B3GALT5: variants seen among roughly 807,000 people sequenced by gnomAD.
B3GALT5 encodes UDP-Gal:betaGlcNAc beta 1,3-galactosyltransferase, polypeptide 5.
For synonymous variants in B3GALT5, 156 were observed against 158.6 expected (o/e 0.98, Z 0.12); for missense variants, 328 against 396.6 (o/e 0.83, Z 1.47).
intron 2 of B3GALT5, among the ~76,000 whole-genome samples, chr21:39,653,413 A>G (rs9978637): frequency 0.11 from 17,448 of 152,170 alleles, 1,215 homozygotes; most frequent in Admixed American, 0.16. Flanking sequence ...GGGCCCTCTA[A>G]ATATTTTCCC....
chr21:39,623,177 C>A (rs1602255972), intron 1 of B3GALT5, among the ~76,000 whole-genome samples: 1 of 117,984 alleles, frequency 8.5e-6, no homozygotes, highest in South Asian at 3.2e-4. Flanking sequence ...CTCTCTCTCT[C>A]TTTTCCATCC....
rs2079528190 is a variant in B3GALT5 at position 39,661,761 on chromosome 21, G to T, written c.*269G>T. 2 of 334,086 alleles carry T rather than the reference G, an allele frequency of 6.0e-6. No individual in the cohort carries two copies. The highest frequency in any genetic ancestry group is 1.1e-5 in the Non-Finnish European group (2 of 174,584). 20.7% of individuals were successfully genotyped at this position (334,086 alleles called of 1,614,324 possible). ...TTCAGGGGTCAGTATCCTATGACAT[G>T]ATGGGTGTTACCATCCTAATTTTAC... On this transcript the variant is annotated 3_prime_UTR_variant, in exon 4 of 4. Transcript: ENST00000684187. This position sits in a 1 kb window ranked among gnomAD's most constrained non-coding sequence, Gnocchi z 4.7.
intron 2 of B3GALT5, chr21:39,657,809 G>C: frequency 8.3e-7 from 1 of 1,199,594 alleles, no homozygotes. Flanking sequence ...TACACCTGGA[G>C]TGCAGAATCT....
In B3GALT5 at chr21:39,671,188, C is replaced by T. The variant is rs1240064696; in HGVS notation, c.*9696C>T. 6.6e-6 allele frequency: 1 copy of T among 152,246 alleles called. No individual in the cohort carries two copies. The highest frequency in any genetic ancestry group is 2.4e-5 in the African/African-American group (1 of 41,458). 9.4% of individuals were successfully genotyped at this position (152,246 alleles called of 1,614,324 possible). ...AGTCACCTCTTAAAAGGTCCCACCT[C>T]TCAACGCTGTTGCACTGGGGATTAA... On this transcript the variant is annotated 3_prime_UTR_variant, in exon 4 of 4. Coordinates refer to ENST00000684187, the MANE Select transcript of B3GALT5 (RefSeq NM_001356336.2).
Position 39,660,719 on chromosome 21 carries a change from C to T in B3GALT5, c.160C>T (p.Gln54Ter). The part of the protein sequence containing the change: ...FLKLPDTDCR[Q>*]TPPFLVLLVT... ...TAAGCTCCCAGATACAGACTGCAGG[C>T]AGACACCTCCCTTCCTCGTCCTGCT... is the stretch of plus-strand genomic sequence containing the variant. Residue 54 changes from glutamine (Q) to a stop codon, truncating the protein, a stop_gained, in exon 4 of 4, where the codon CAG becomes TAG. Transcript: ENST00000684187. LOFTEE classifies it low-confidence loss of function (END_TRUNC). The T allele has an allele frequency of 1.3e-6, 2 of 1,553,936 alleles. No homozygotes were observed. The highest frequency in any genetic ancestry group is 1.7e-6 in the Non-Finnish European group (2 of 1,152,738).
At position 39,669,006 on chromosome 21, in the gene B3GALT5, T is replaced by C. The variant is rs559040486; in HGVS notation, c.*7514T>C. The C allele has an allele frequency of 6.6e-6, 1 of 152,380 alleles. No individual in the cohort carries two copies. The highest frequency in any genetic ancestry group is 1.9e-4 in the East Asian group (1 of 5,182). The allele number at this position is 152,380 out of a possible 1,614,324, so 9.4% of individuals were successfully genotyped here. A position where few individuals can be genotyped will look rare whatever the true frequency, so the allele number is the denominator to read the frequency against. On this transcript the variant is annotated 3_prime_UTR_variant, in exon 4 of 4. Transcript: ENST00000684187. ...GATTCTATGGTGGTGTATACAGCACTATCTATCAGTGTACCTGTCAGTGTC... is the reference window on the plus strand; with the variant it reads ...GATTCTATGGTGGTGTATACAGCACCATCTATCAGTGTACCTGTCAGTGTC...
In B3GALT5 at chr21:39,664,521, A is replaced by G. The variant is rs1016893778; in HGVS notation, c.*3029A>G. The G allele has an allele frequency of 1.3e-5, 2 of 152,544 alleles. No homozygotes were observed. Among genetic ancestry groups the G allele is most frequent in the Non-Finnish European group, 2.9e-5 (2 of 68,260 alleles). 9.4% of individuals were successfully genotyped at this position (152,544 alleles called of 1,614,324 possible). On this transcript the variant is annotated 3_prime_UTR_variant, in exon 4 of 4. Transcript: ENST00000684187. ...GCTGCCATTTTCCACCTGACCAGAA[A>G]TGGCCACCACCTTCCCCGACCCCTT...
intron 1 of B3GALT5, among the ~76,000 whole-genome samples, chr21:39,636,229 G>T (rs2079226646): frequency 6.6e-6 from 1 of 152,198 alleles, no homozygotes; most frequent in African/African-American, 2.4e-5. Flanking sequence ...TGCAGTGCTT[G>T]ACACATAGAG....
chr21:39,649,568 T>G (rs1217841577), intron 2 of B3GALT5, among the ~76,000 whole-genome samples: 1 of 152,186 alleles, frequency 6.6e-6, no homozygotes, highest in African/African-American at 2.4e-5. Context: ...CGGGCTTAAT[T>G]CTGAATACAG....
intron 1 of B3GALT5, among the ~76,000 whole-genome samples, chr21:39,644,360 T>A (rs1018993388): frequency 6.6e-6 from 1 of 152,086 alleles, no homozygotes; most frequent in East Asian, 1.9e-4. Context: ...GGAGTTTCCT[T>A]GTGGGCAAAA....
rs777775668 is a variant in B3GALT5, at chr21:39,661,663, C to G, written c.*171C>G. On this transcript the variant is annotated 3_prime_UTR_variant, in exon 4 of 4. Coordinates refer to ENST00000684187, the MANE Select transcript of B3GALT5 (RefSeq NM_001356336.2). This position sits in a 1 kb window ranked among gnomAD's most constrained non-coding sequence, Gnocchi z 4.7. ...ATTAGTTCCCACTTGGTGCCCCAGG[C>G]AATAATAGGCCCGTCTCTTGGGCAC... 30 of 590,324 alleles carry G rather than the reference C, an allele frequency of 5.1e-5. No homozygotes were observed. Among genetic ancestry groups the G allele is most frequent in the Non-Finnish European group, 7.5e-5 (27 of 360,588 alleles). 36.6% of individuals were successfully genotyped at this position (590,324 alleles called of 1,614,324 possible). A position where few individuals can be genotyped will look rare whatever the true frequency, so the allele number is the denominator to read the frequency against.
At chr21:39,652,793 A>G (rs992963116) in intron 2 of B3GALT5, among the ~76,000 whole-genome samples, 2 of 152,256 alleles carry the variant, frequency 1.3e-5, no homozygotes, top group Non-Finnish European at 2.9e-5. Flanking sequence ...TGACAAAAAA[A>G]GCAAACTCCA....
At chr21:39,625,701 C>T (rs948291595) in intron 1 of B3GALT5, among the ~76,000 whole-genome samples, 2 of 152,218 alleles carry the variant, frequency 1.3e-5, no homozygotes, top group South Asian at 4.1e-4. Context: ...CTCTCACCCC[C>T]GCAGGGGCGC....
intron 2 of B3GALT5, among the ~76,000 whole-genome samples, chr21:39,658,146 G>T (rs2079467729): frequency 6.6e-6 from 1 of 152,216 alleles, no homozygotes; most frequent in African/African-American, 2.4e-5. Flanking sequence ...TCTCATATAT[G>T]AGGATTCTGA....
rs1287602454 is a variant in B3GALT5 at position 39,672,627 on chromosome 21, A to T, written c.*11135A>T. On this transcript the variant is annotated 3_prime_UTR_variant, in exon 4 of 4. Transcript: ENST00000684187. ...TAGGTGAGTTTTAGGTTGTCGATTG[A>T]TGTGATAATTCACTCTTCCCGAAAA... 1 of 152,218 alleles carries T rather than the reference A, an allele frequency of 6.6e-6. No homozygotes were observed. The highest frequency in any genetic ancestry group is 1.5e-5 in the Non-Finnish European group (1 of 68,042). 9.4% of individuals were successfully genotyped at this position (152,218 alleles called of 1,614,324 possible).
rs185108527 is a variant in B3GALT5, at chr21:39,665,883, A to C, written c.*4391A>C. The C allele has an allele frequency of 2.0e-5, 3 of 152,310 alleles. No homozygotes were observed. The East Asian group carries it at 5.8e-4, about 29-fold the overall frequency. The allele number at this position is 152,310 out of a possible 1,614,324, so 9.4% of individuals were successfully genotyped here. A position where few individuals can be genotyped will look rare whatever the true frequency, so the allele number is the denominator to read the frequency against. ...TTTATGTTTCACGCAACTTGAATGT[A>C]ACCTTTGTGTGGGCCGTGGGTCTTT... On this transcript the variant is annotated 3_prime_UTR_variant, in exon 4 of 4. Coordinates refer to ENST00000684187, the MANE Select transcript of B3GALT5 (RefSeq NM_001356336.2).
At chr21:39,620,749 TAGCCTGA>T (rs148433206) in intron 1 of B3GALT5, among the ~76,000 whole-genome samples, 3,289 of 152,192 alleles carry the variant, frequency 0.022, 130 homozygotes, top group African/African-American at 0.075. Context: ...CCTTCAAGAG[TAGCCTGA>T]ATTAGCAATT....
chr21:39,639,852 T>C (rs933040272), intron 1 of B3GALT5, among the ~76,000 whole-genome samples: 1 of 152,112 alleles, frequency 6.6e-6, no homozygotes, highest in South Asian at 2.1e-4. Context: ...TCTGAAACTA[T>C]GGGATGCAGG....
At chr21:39,619,607 C>T (rs1020293217) in intron 1 of B3GALT5, among the ~76,000 whole-genome samples, 1 of 151,436 alleles carries the variant, frequency 6.6e-6, no homozygotes. Flanking sequence ...AGTCTATGTA[C>T]GAATCTGAGG....
Sources: allele counts gnomAD v4.1 joint callset (sites outside exome capture counted in the v4.1 genomes callset), GRCh38; gene constraint gnomAD v4.1.1; non-coding constraint Gnocchi (gnomAD v3.1); transcripts MANE v1.5; gene names NCBI Gene and HGNC (gene_info 2026-07-23, HGNC 2026-07-21).